Variants in CDH13 observed in about 807,000 individuals in gnomAD.
The protein encoded by CDH13 is cadherin-13.
In CDH13, 24 loss-of-function variants were observed where a neutral mutation model predicts 63.8. That is an observed-to-expected ratio of 0.38 (90% CI 0.27 to 0.53). The LOEUF is 0.53. Among genes scored for constraint, CDH13 ranks in the 20% least tolerant of loss-of-function variants. The pLI is 0.85. For missense variants in CDH13, 1,049 were observed against 903.1 expected, an observed-to-expected ratio of 1.16 and a Z score of -2.07; for synonymous variants, 503 against 355.3, an observed-to-expected ratio of 1.42 and a Z score of -4.67.
At chr16:83,003,438 C>T (rs981080515) in intron 2 of CDH13, among the ~76,000 whole-genome samples, 13 of 151,202 alleles carry the variant, frequency 8.6e-5, no homozygotes, top group Admixed American at 2.6e-4. Context: ...TAAATAGGGA[C>T]AGTATGGAAA....
intron 3 of CDH13, among the ~76,000 whole-genome samples, chr16:83,107,613 C>T (rs913540556): frequency 1.3e-5 from 2 of 152,034 alleles, no homozygotes; most frequent in Admixed American, 6.5e-5. Flanking sequence ...CTCTTCAGTG[C>T]AATGAGCATT....
chr16:82,780,645 G>T (rs922135225), intron 1 of CDH13, among the ~76,000 whole-genome samples: 1 of 152,186 alleles, frequency 6.6e-6, no homozygotes, highest in African/African-American at 2.4e-5. Context: ...CTCAAGGGAA[G>T]ATTCATGGTT....
chr16:83,358,108 G>A (rs534657051), intron 6 of CDH13, among the ~76,000 whole-genome samples: 11 of 152,268 alleles, frequency 7.2e-5, no homozygotes, highest in African/African-American at 2.6e-4. Context: ...CTGTCCTTTA[G>A]TAACAGACCT....
At chr16:82,733,313 G>A (rs1044396557) in intron 1 of CDH13, among the ~76,000 whole-genome samples, 1 of 152,090 alleles carries the variant, frequency 6.6e-6, no homozygotes, top group African/African-American at 2.4e-5. Context: ...GGAGTGAGTT[G>A]TCCATAAATA....
chr16:82,874,916 G>C (rs1322412510), intron 2 of CDH13, among the ~76,000 whole-genome samples: 1 of 152,310 alleles, frequency 6.6e-6, no homozygotes, highest in East Asian at 1.9e-4. Flanking sequence ...TTGCCAGATG[G>C]ATACTCATGG....
intron 2 of CDH13, among the ~76,000 whole-genome samples, chr16:83,000,263 T>TTTC (rs1912748366): frequency 8.5e-6 from 1 of 117,722 alleles, no homozygotes; most frequent in African/African-American, 3.3e-5. Context: ...TTTTTTTTTT[T>TTTC]TGAGACAGAG....
chr16:83,497,714 A>G (rs1417518444), intron 7 of CDH13, among the ~76,000 whole-genome samples: 5 of 152,226 alleles, frequency 3.3e-5, no homozygotes, highest in African/African-American at 1.2e-4. Context: ...TGCGTCATCA[A>G]AACATAGACA....
At chr16:83,173,516 A>G (rs1453295611) in intron 4 of CDH13, among the ~76,000 whole-genome samples, 3 of 152,044 alleles carry the variant, frequency 2.0e-5, no homozygotes, top group African/African-American at 7.2e-5. Flanking sequence ...GACAAAATAC[A>G]AGACCCCATT....
chr16:82,899,447 C>A (rs1165063965), intron 2 of CDH13, among the ~76,000 whole-genome samples: 1 of 152,158 alleles, frequency 6.6e-6, no homozygotes, highest in Non-Finnish European at 1.5e-5. Flanking sequence ...TGGCACTTAA[C>A]TTTCAGAATC....
intron 8 of CDH13, among the ~76,000 whole-genome samples, chr16:83,626,088 G>C (rs565177271): frequency 6.6e-5 from 10 of 150,746 alleles, no homozygotes; most frequent in African/African-American, 2.4e-4. Flanking sequence ...ACAGTTCACT[G>C]CAGCCTCCAC....
At chr16:83,399,254 T>C (rs1223178826) in intron 6 of CDH13, among the ~76,000 whole-genome samples, 2 of 152,248 alleles carry the variant, frequency 1.3e-5, no homozygotes, top group African/African-American at 4.8e-5. Flanking sequence ...TTTGTCCTAA[T>C]AATTAGCAGG....
intron 5 of CDH13, among the ~76,000 whole-genome samples, chr16:83,246,150 TA>T (rs1904971557): frequency 6.6e-6 from 1 of 152,230 alleles, no homozygotes; most frequent in Admixed American, 6.5e-5. Flanking sequence ...ATATTTGGAC[TA>T]GAATTTCTTT....
At chr16:83,477,574 C>G (rs1042577644) in intron 6 of CDH13, among the ~76,000 whole-genome samples, 1 of 152,158 alleles carries the variant, frequency 6.6e-6, no homozygotes, top group African/African-American at 2.4e-5. Flanking sequence ...TGAGATCTCT[C>G]TGAGCCAGAT....
intron 1 of CDH13, among the ~76,000 whole-genome samples, chr16:82,840,686 A>C (rs8055035): frequency 0.27 from 36,852 of 137,390 alleles, 3,069 homozygotes; most frequent in Admixed American, 0.29. Context: ...ATCCATCTCA[A>C]AAAAAAAAAA....
chr16:82,894,763 A>C (rs936241896), intron 2 of CDH13, among the ~76,000 whole-genome samples: 6 of 152,270 alleles, frequency 3.9e-5, no homozygotes, highest in African/African-American at 1.4e-4. Context: ...TGGCCACGGC[A>C]GGCCTTCCCA....
chr16:83,447,478 T>C (rs976437053), intron 6 of CDH13, among the ~76,000 whole-genome samples: 8 of 152,018 alleles, frequency 5.3e-5, no homozygotes, highest in African/African-American at 1.2e-4. Context: ...ATCAGGACTG[T>C]GGAAAGCCCG....
chr16:82,839,503 C>T (rs889126942), intron 1 of CDH13, among the ~76,000 whole-genome samples: 1 of 152,180 alleles, frequency 6.6e-6, no homozygotes, highest in African/African-American at 2.4e-5. Flanking sequence ...TAGACAGTCC[C>T]AGTAAATCAG....
chr16:82,685,282 G>A (rs995798109), intron 1 of CDH13, among the ~76,000 whole-genome samples: 1 of 152,196 alleles, frequency 6.6e-6, no homozygotes, highest in Admixed American at 6.5e-5. Context: ...TTAGTGTCTG[G>A]TGAGGTCCCG....
rs1186691808 is a variant in CDH13 at position 83,457,532 on chromosome 16, T to A, written c.782-28945T>A. ...CCAGCTTCAGCACATGGATCCTCAA[T>A]AAATCACAGATGTTGTCGTTGTCAT... On this transcript the variant is annotated intron_variant, in intron 6 of 13. Transcript: ENST00000567109. Among the ~76,000 whole-genome samples the A allele has an allele frequency of 2.6e-5, 4 of 152,158 alleles. No homozygotes were observed. The East Asian group carries it at 7.7e-4, about 29-fold the overall frequency.
Sources: gnomAD v4.1 joint callset for allele counts (sites outside exome capture counted in the v4.1 genomes callset) on GRCh38, gnomAD v4.1.1 for gene constraint, MANE v1.5 for transcripts, NCBI Gene and HGNC (gene_info 2026-07-23, HGNC 2026-07-21) for gene names.